EIF4E3: variants seen among roughly 807,000 people sequenced by gnomAD.
EIF4E3 encodes the protein eukaryotic translation initiation factor 4E family member 3.
A neutral mutation model predicts 31.7 loss-of-function variants in EIF4E3; 26 were observed. The observed-to-expected ratio is 0.82, with a 90% confidence interval of 0.60 to 1.14. The LOEUF is 1.14. Ranked by LOEUF, EIF4E3 falls within the 50% of genes most tolerant of loss-of-function variation. The pLI, the probability that EIF4E3 is intolerant of heterozygous loss-of-function variation, is 0.00. For synonymous variants in EIF4E3, 128 were observed against 107.7 expected (o/e 1.19, Z -1.17); for missense variants, 304 against 270.9 (o/e 1.12, Z -0.86).
At chr3:71,675,231 T>G (rs2048866888), downstream of EIF4E3, among the ~76,000 whole-genome samples, 1 of 152,220 alleles carries the variant, frequency 6.6e-6, no homozygotes, top group Admixed American at 6.5e-5. Context: ...ATGATCCATC[T>G]GTGCTGGGAT....
chr3:71,720,027 A>ATG (rs2049522892), intron 1 of EIF4E3, among the ~76,000 whole-genome samples: 2 of 151,868 alleles, frequency 1.3e-5, no homozygotes, highest in African/African-American at 4.8e-5. Context: ...ATATATATAT[A>ATG]TTCATATCTT....
At chr3:71,664,408 G>A in the EIF4E3 span, among the ~76,000 whole-genome samples, 8 of 151,964 alleles carry the variant, frequency 5.3e-5, no homozygotes, top group South Asian at 1.5e-3. Flanking sequence ...GGTGGGGGGT[G>A]GGGGGAGAAT....
At chr3:71,693,971 C>G in intron 4 of EIF4E3, 30 bp from the exon 5 acceptor site, 1 of 1,527,500 alleles carries the variant, frequency 6.5e-7, no homozygotes. Context: ...AAAAACAAAA[C>G]AAACAAAATA....
In EIF4E3 at chr3:71,677,353, A is replaced by T. The variant is rs2048882047; in HGVS notation, c.*7329T>A. On this transcript the variant is annotated 3_prime_UTR_variant, in exon 7 of 7. Coordinates refer to ENST00000425534, the MANE Select transcript of EIF4E3 (RefSeq NM_001134651.2). Reference sequence around the variant, plus strand: ...GATTTTTTTATGCATTCATTAACGAAAAGCAGTTAAAAGTTCTTTAATAGC... The same window carrying T: ...GATTTTTTTATGCATTCATTAACGATAAGCAGTTAAAAGTTCTTTAATAGC... The T allele has an allele frequency of 6.6e-6, 1 of 152,192 alleles. No homozygotes were observed. The highest frequency in any genetic ancestry group is 2.1e-4 in the South Asian group (1 of 4,828). The allele number at this position is 152,192 out of a possible 1,614,324, so 9.4% of individuals were successfully genotyped here.
downstream of EIF4E3, among the ~76,000 whole-genome samples, chr3:71,673,931 A>ATAT (rs879460557): frequency 1.2e-3 from 152 of 124,388 alleles, 2 homozygotes; most frequent in East Asian, 0.045. Flanking sequence ...ATATATATAT[A>ATAT]AAAAACATAA....
chr3:71,747,570 C>A (rs777939094), intron 1 of EIF4E3, among the ~76,000 whole-genome samples: 1 of 152,056 alleles, frequency 6.6e-6, no homozygotes, highest in African/African-American at 2.4e-5. Flanking sequence ...TGTAGGCGGG[C>A]CTTTCATTTT....
chr3:71,700,156 C>G (rs1404939794), intron 2 of EIF4E3, among the ~76,000 whole-genome samples: 2 of 152,124 alleles, frequency 1.3e-5, no homozygotes, highest in Non-Finnish European at 2.9e-5. Context: ...ACTTGGGCAA[C>G]AGGAGTGAGC....
At chr3:71,711,932 G>A (rs2049385497) in intron 1 of EIF4E3, among the ~76,000 whole-genome samples, 1 of 152,124 alleles carries the variant, frequency 6.6e-6, no homozygotes, top group Admixed American at 6.5e-5. Flanking sequence ...GCAGTGCACC[G>A]AGGTCGGGCC....
intron 1 of EIF4E3, among the ~76,000 whole-genome samples, chr3:71,712,189 C>A (rs1559601406): frequency 6.6e-6 from 1 of 152,178 alleles, no homozygotes. Flanking sequence ...AACACCATGA[C>A]TGCATTTTGT....
chr3:71,669,591 G>T, the EIF4E3 span, among the ~76,000 whole-genome samples: 1 of 151,930 alleles, frequency 6.6e-6, no homozygotes, highest in Non-Finnish European at 1.5e-5. Flanking sequence ...TAGAAGGGGG[G>T]TATGTTATAA....
intron 1 of EIF4E3, among the ~76,000 whole-genome samples, chr3:71,736,851 T>C (rs1468951920): frequency 1.3e-5 from 2 of 152,124 alleles, no homozygotes; most frequent in Non-Finnish European, 2.9e-5. Context: ...TTATAAAAAA[T>C]GCACCCATCT....
intron 1 of EIF4E3, among the ~76,000 whole-genome samples, chr3:71,724,064 G>A (rs542548955): frequency 2.7e-4 from 41 of 152,260 alleles, no homozygotes; most frequent in African/African-American, 8.4e-4. Context: ...CCAGATTTGT[G>A]TGTACCAAGC....
intron 1 of EIF4E3, among the ~76,000 whole-genome samples, chr3:71,734,931 T>C (rs1264731505): frequency 6.6e-6 from 1 of 152,228 alleles, no homozygotes; most frequent in Non-Finnish European, 1.5e-5. Context: ...TTTTGGTTTC[T>C]AATCCTCAAC....
At chr3:71,711,898 G>A (rs910118199) in intron 1 of EIF4E3, among the ~76,000 whole-genome samples, 6 of 152,100 alleles carry the variant, frequency 3.9e-5, no homozygotes, top group African/African-American at 1.2e-4. Context: ...CACGAGAATC[G>A]CTTGAACACA....
At chr3:71,718,534 G>A (rs2049499145) in intron 1 of EIF4E3, among the ~76,000 whole-genome samples, 1 of 152,168 alleles carries the variant, frequency 6.6e-6, no homozygotes, top group Non-Finnish European at 1.5e-5. Flanking sequence ...GGGTAGAGAA[G>A]TACAGCAGTG....
At chr3:71,743,012 G>A (rs138440600) in intron 1 of EIF4E3, among the ~76,000 whole-genome samples, 17 of 152,178 alleles carry the variant, frequency 1.1e-4, no homozygotes, top group African/African-American at 3.1e-4. Flanking sequence ...ATCTATAGGC[G>A]CCTATAAAAA....
chr3:71,689,400 T>G (rs1463541738), intron 6 of EIF4E3, among the ~76,000 whole-genome samples: 6 of 152,202 alleles, frequency 3.9e-5, no homozygotes, highest in African/African-American at 1.4e-4. Flanking sequence ...AGAAGACTTT[T>G]TCAAAAGAGC....
chr3:71,679,099 T>G lies in EIF4E3; in HGVS notation c.*5583A>C, dbSNP rs954432961. 2 of 152,158 alleles carry G rather than the reference T, an allele frequency of 1.3e-5. 1 individual carries two copies. The highest frequency in any genetic ancestry group is 4.1e-4 in the South Asian group (2 of 4,834). The allele number at this position is 152,158 out of a possible 1,614,324, so 9.4% of individuals were successfully genotyped here. ...ATATCCACAGCATCAATACCTCTATTTGAAAACAGAAACACTGTAAGTTTA... is the reference window on the plus strand; with the variant it reads ...ATATCCACAGCATCAATACCTCTATGTGAAAACAGAAACACTGTAAGTTTA... On this transcript the variant is annotated 3_prime_UTR_variant, in exon 7 of 7. Transcript: ENST00000425534.
intron 1 of EIF4E3, among the ~76,000 whole-genome samples, chr3:71,750,342 A>T (rs1335930090): frequency 6.6e-6 from 1 of 152,204 alleles, no homozygotes; most frequent in Non-Finnish European, 1.5e-5. Context: ...TCATTAGAAT[A>T]AAAAATATGA....
Sources: gnomAD v4.1 joint callset for allele counts (sites outside exome capture counted in the v4.1 genomes callset) on GRCh38, gnomAD v4.1.1 for gene constraint, MANE v1.5 for transcripts, NCBI Gene and HGNC (gene_info 2026-07-23, HGNC 2026-07-21) for gene names.